The following ENKUR variants were observed in gnomAD, a reference collection of about 807,000 sequenced individuals.
The protein encoded by ENKUR is enkurin, TRPC channel interacting protein.
ENKUR carries 19 observed loss-of-function variants against 27.6 expected under a neutral mutation model. That is an observed-to-expected ratio of 0.69 (90% CI 0.48 to 1.01). ENKUR has a LOEUF of 1.01. ENKUR is among the 50% of genes least tolerant of loss of function. The probability of loss-of-function intolerance (pLI) is 0.00; values close to 1 mark genes in which losing one functional copy is unlikely to be tolerated. For missense variants in ENKUR, 312 were observed against 310.5 expected, an observed-to-expected ratio of 1.00 and a Z score of -0.04; for synonymous variants, 117 against 96.9, an observed-to-expected ratio of 1.21 and a Z score of -1.22.
At chr10:25,029,639 C>T (rs750912292) in intron 2 of ENKUR, among the ~76,000 whole-genome samples, 10 of 152,116 alleles carry the variant, frequency 6.6e-5, no homozygotes, top group East Asian at 1.9e-4. Context: ...ATACAATCTA[C>T]GTATGAAAAA....
chr10:25,048,360 C>A (rs80169908), intron 2 of ENKUR, among the ~76,000 whole-genome samples: 1 of 151,878 alleles, frequency 6.6e-6, no homozygotes, highest in East Asian at 1.9e-4. Flanking sequence ...GGTCTATATC[C>A]GTGAAGCGTG....
At chr10:25,028,759 A>T (rs1850899358) in intron 2 of ENKUR, among the ~76,000 whole-genome samples, 1 of 152,182 alleles carries the variant, frequency 6.6e-6, no homozygotes, top group East Asian at 1.9e-4. Context: ...ATACCTAAGT[A>T]TTCACCACCT....
chr10:24,994,298 T>C (rs1849993329), intron 3 of ENKUR, among the ~76,000 whole-genome samples: 1 of 151,798 alleles, frequency 6.6e-6, no homozygotes, highest in South Asian at 2.1e-4. Flanking sequence ...CCTTCATTTC[T>C]TCTTGATGCA....
chr10:25,032,509 C>T (rs1850948214), intron 2 of ENKUR, among the ~76,000 whole-genome samples: 1 of 152,124 alleles, frequency 6.6e-6, no homozygotes, highest in Non-Finnish European at 1.5e-5. Flanking sequence ...GGAACAGTTT[C>T]CAAGGCTGTA....
intron 2 of ENKUR, chr10:25,023,197 T>A: frequency 6.4e-7 from 1 of 1,573,008 alleles, no homozygotes; most frequent in Non-Finnish European, 8.6e-7. Context: ...ATTTTTAGGT[T>A]GGCTTGGGCA....
intron 4 of ENKUR, among the ~76,000 whole-genome samples, chr10:24,988,713 T>C (rs1168585193): frequency 2.5e-5 from 1 of 40,304 alleles, no homozygotes; most frequent in Non-Finnish European, 4.5e-5. Context: ...TATATATATA[T>C]ATATATATAT....
At chr10:25,024,631 T>A in intron 2 of ENKUR, 1 of 1,614,230 alleles carries the variant, frequency 6.2e-7, no homozygotes, top group Non-Finnish European at 8.5e-7. Context: ...TTCGGCTAAC[T>A]CCATAAACTG....
Position 24,999,401 on chromosome 10 carries a change from T to C in ENKUR, c.223A>G (p.Lys75Glu), listed in dbSNP as rs376819765. 3.1e-6 allele frequency: 5 copies of C among 1,600,320 alleles called. No homozygotes were observed. The African/African-American group carries it at 5.4e-5, about 17-fold the overall frequency. Residue 75 changes from lysine (K) to glutamate (E), a missense_variant and splice_region_variant, in exon 2 of 6, where the codon AAA (lysine) becomes GAA (glutamate). Coordinates refer to ENST00000331161, the MANE Select transcript of ENKUR (RefSeq NM_145010.4). Reference protein sequence around the residue: ...KHSKEKTLPPKKNFDRNVPKK... With the variant: ...KHSKEKTLPPEKNFDRNVPKK... The stretch of plus-strand genomic sequence containing the variant: ...AAAAATAAAGCATGATAAAACCTAC[T>C]GGGTGGTAGAGTTTTTTCCTTTGAA...
chr10:25,020,393 CAT>C (rs924328493), upstream of ENKUR, among the ~76,000 whole-genome samples: 5 of 151,944 alleles, frequency 3.3e-5, no homozygotes, highest in African/African-American at 4.8e-5. Context: ...GTGAAGGTAA[CAT>C]AATGTTTCCT....
intron 3 of ENKUR, among the ~76,000 whole-genome samples, chr10:24,991,795 G>C (rs1428340971): frequency 1.3e-5 from 2 of 152,198 alleles, no homozygotes; most frequent in Non-Finnish European, 2.9e-5. Flanking sequence ...TCATAAGGCA[G>C]GGAGTCTAAT....
chr10:25,050,460 ATGT>A (rs1413912050), intron 2 of ENKUR, among the ~76,000 whole-genome samples: 1 of 152,196 alleles, frequency 6.6e-6, no homozygotes, highest in Non-Finnish European at 1.5e-5. Flanking sequence ...GCAAGAGAGC[ATGT>A]GCAGGGGAAC....
chr10:24,997,647 C>T (rs1216459141), intron 2 of ENKUR, among the ~76,000 whole-genome samples: 2 of 152,026 alleles, frequency 1.3e-5, no homozygotes, highest in Non-Finnish European at 2.9e-5. Context: ...TCTTGGCCTC[C>T]CAAAGTGCTG....
intron 2 of ENKUR, among the ~76,000 whole-genome samples, chr10:25,027,754 A>C (rs1464831798): frequency 2.0e-5 from 3 of 151,262 alleles, no homozygotes; most frequent in African/African-American, 7.3e-5. Flanking sequence ...GGTGGTGCAC[A>C]CCTGTAGTCC....
chr10:25,032,804 C>G (rs997806283), intron 2 of ENKUR, among the ~76,000 whole-genome samples: 1 of 152,140 alleles, frequency 6.6e-6, no homozygotes, highest in Non-Finnish European at 1.5e-5. Flanking sequence ...TTTCCTTTTT[C>G]ATGGATTTAC....
At chr10:25,054,632 T>G (rs1851232201) in intron 2 of ENKUR, among the ~76,000 whole-genome samples, 1 of 151,566 alleles carries the variant, frequency 6.6e-6, no homozygotes, top group Non-Finnish European at 1.5e-5. Flanking sequence ...AGGTGCTCTC[T>G]TATTTCTCAC....
chr10:24,994,336 CTTTT>C (rs199991900), intron 3 of ENKUR, among the ~76,000 whole-genome samples: 1 of 137,710 alleles, frequency 7.3e-6, no homozygotes, highest in Non-Finnish European at 1.6e-5. Context: ...ATTCTGCACT[CTTTT>C]TTTTTTTTTT....
intron 2 of ENKUR, among the ~76,000 whole-genome samples, chr10:24,998,105 T>C (rs1357678115): frequency 6.6e-6 from 1 of 152,062 alleles, no homozygotes; most frequent in Non-Finnish European, 1.5e-5. Flanking sequence ...CCTTTTTTCA[T>C]GAGATATGGG....
Position 24,984,181 on chromosome 10 carries a change from G to T in ENKUR, c.*189C>A, listed in dbSNP as rs1849727724. 2 of 551,432 alleles carry T rather than the reference G, an allele frequency of 3.6e-6. No homozygotes were observed. Among genetic ancestry groups the T allele is most frequent in the South Asian group, 4.3e-5 (1 of 23,326 alleles). 34.2% of individuals were successfully genotyped at this position (551,432 alleles called of 1,614,324 possible). On this transcript the variant is annotated 3_prime_UTR_variant, in exon 6 of 6. Coordinates refer to ENST00000331161, the MANE Select transcript of ENKUR (RefSeq NM_145010.4). ...AAATAGAAGCCTTTCATCATATACA[G>T]TGTTACGAATACTGAAAATATTTCT...
chr10:25,025,193 C>T (rs752847680), intron 2 of ENKUR: 17 of 1,614,092 alleles, frequency 1.1e-5, no homozygotes, highest in Non-Finnish European at 1.4e-5. Context: ...CAAGACAAAA[C>T]TTGCCCTGTG....
Sources: gnomAD v4.1 joint callset for allele counts (sites outside exome capture counted in the v4.1 genomes callset) on GRCh38, gnomAD v4.1.1 for gene constraint, MANE v1.5 for transcripts, NCBI Gene and HGNC (gene_info 2026-07-23, HGNC 2026-07-21) for gene names.